RHPN2: variants seen among roughly 807,000 people sequenced by gnomAD.
The protein encoded by RHPN2 is rhophilin Rho GTPase binding protein 2.
RHPN2 carries 40 observed loss-of-function variants against 79.0 expected under a neutral mutation model. That is an observed-to-expected ratio of 0.51 (90% CI 0.39 to 0.66). The LOEUF (loss-of-function observed/expected upper bound fraction) is 0.66, where lower values mean the gene tolerates loss of function less well. Among genes scored for constraint, RHPN2 ranks in the 30% least tolerant of loss-of-function variants. RHPN2 has a pLI of 0.00. For synonymous variants in RHPN2, 285 were observed against 363.5 expected, an observed-to-expected ratio of 0.78 and a Z score of 2.46; for missense variants, 686 against 883.5, an observed-to-expected ratio of 0.78 and a Z score of 2.83.
At chr19:33,054,190 CTTCT>C (rs1183377905) in intron 1 of RHPN2, among the ~76,000 whole-genome samples, 7 of 138,200 alleles carry the variant, frequency 5.1e-5, no homozygotes, top group Non-Finnish European at 9.1e-5. Context: ...GCCCTTTTTT[CTTCT>C]TTGTTTTTTT....
chr19:33,036,879 C>T (rs1599829053), intron 2 of RHPN2, among the ~76,000 whole-genome samples: 1 of 145,658 alleles, frequency 6.9e-6, no homozygotes, highest in Admixed American at 7.2e-5. Context: ...AGCCCCCCCG[C>T]CACCCTCTGT....
At chr19:33,043,287 G>A (rs1362303947) in intron 2 of RHPN2, among the ~76,000 whole-genome samples, 5 of 151,960 alleles carry the variant, frequency 3.3e-5, no homozygotes, top group South Asian at 2.1e-4. Flanking sequence ...GCAGTAGCTC[G>A]CGCCTGTAAT....
At chr19:33,056,113 T>A (rs1972230646) in intron 1 of RHPN2, among the ~76,000 whole-genome samples, 1 of 148,380 alleles carries the variant, frequency 6.7e-6, no homozygotes, top group South Asian at 2.2e-4. Context: ...TTTTTCTTTT[T>A]TCCTTTTTTT....
intron 2 of RHPN2, among the ~76,000 whole-genome samples, chr19:33,034,368 G>A (rs1346612785): frequency 6.6e-6 from 1 of 151,744 alleles, no homozygotes; most frequent in Non-Finnish European, 1.5e-5. Context: ...CACTTTGGGA[G>A]GCCGAGGTGG....
intron 4 of RHPN2, among the ~76,000 whole-genome samples, chr19:33,014,731 C>T (rs78101766): frequency 6.6e-6 from 1 of 151,988 alleles, no homozygotes; most frequent in Non-Finnish European, 1.5e-5. Flanking sequence ...ACCAGCCTGG[C>T]CAACATGGTG....
intron 1 of RHPN2, chr19:33,051,395 C>G (rs1364755704): frequency 6.5e-6 from 1 of 152,848 alleles, no homozygotes; most frequent in Admixed American, 6.5e-5. Context: ...ACAAAGCCCA[C>G]AGGCAGGAAG....
At chr19:33,061,624 C>G (rs983621763) in intron 1 of RHPN2, among the ~76,000 whole-genome samples, 3 of 151,952 alleles carry the variant, frequency 2.0e-5, no homozygotes, top group Non-Finnish European at 2.9e-5. Context: ...GCTGGGATTA[C>G]AGGCGCCTGC....
intron 14 of RHPN2, among the ~76,000 whole-genome samples, chr19:32,984,378 C>T (rs905979692): frequency 6.0e-4 from 92 of 152,260 alleles, no homozygotes; most frequent in African/African-American, 2.1e-3. Flanking sequence ...AAGCCAGGGG[C>T]TGGGCATGGT....
intron 3 of RHPN2, among the ~76,000 whole-genome samples, chr19:33,025,094 T>A (rs932153331): frequency 1.3e-5 from 2 of 152,112 alleles, no homozygotes; most frequent in African/African-American, 4.8e-5. Context: ...ATTGCAATTC[T>A]GAGGGATGGT....
chr19:33,011,346 T>C (rs1408560881), intron 6 of RHPN2, among the ~76,000 whole-genome samples: 2 of 152,240 alleles, frequency 1.3e-5, no homozygotes, highest in African/African-American at 4.8e-5. Context: ...CCCTGTCCAA[T>C]CTGAGATAAG....
intron 1 of RHPN2, among the ~76,000 whole-genome samples, chr19:33,061,963 C>T (rs911949996): frequency 5.3e-5 from 8 of 152,116 alleles, no homozygotes; most frequent in South Asian, 2.1e-4. Context: ...CCACCACACC[C>T]GACCCTCATT....
At chr19:33,043,642 G>C in intron 2 of RHPN2, among the ~76,000 whole-genome samples, 1 of 152,218 alleles carries the variant, frequency 6.6e-6, no homozygotes, top group East Asian at 1.9e-4. Context: ...TGTAAACAGA[G>C]TGCTGGCACA....
chr19:32,994,984 T>C (rs1971689415), intron 11 of RHPN2, among the ~76,000 whole-genome samples: 1 of 152,018 alleles, frequency 6.6e-6, no homozygotes, highest in Non-Finnish European at 1.5e-5. Context: ...AAAAAACCTA[T>C]TGAGAAGTCA....
At chr19:33,028,025 A>C (rs1246333042) in intron 2 of RHPN2, among the ~76,000 whole-genome samples, 2 of 152,232 alleles carry the variant, frequency 1.3e-5, no homozygotes, top group Non-Finnish European at 2.9e-5. Flanking sequence ...AGAAAGGAAG[A>C]AATAAAACTG....
At position 33,002,319 on chromosome 19, in the gene RHPN2, C is replaced by A; in HGVS notation, c.1033G>T (p.Ala345Ser). 1 of 1,613,962 alleles carries A rather than the reference C, an allele frequency of 6.2e-7. No homozygotes were observed. Among genetic ancestry groups the A allele is most frequent in the Non-Finnish European group, 8.5e-7 (1 of 1,179,876 alleles). ...GCGTAGTGGTGGGCCTTCACGCAGG[C>A]TAAGCTGGCCCAGGAGTAGGGGATG... ...ENIPYSWASL[A>S]CVKAHHYAAL... The change falls in exon 9 of 15, where the codon GCC becomes TCC. Residue 345 changes from alanine to serine, a missense_variant. Ala to Ser is a moderately conservative substitution (Grantham distance 99, BLOSUM62 1). Transcript: ENST00000254260.
At chr19:33,064,692 C>T (rs1197849469) in intron 1 of RHPN2, 92 bp downstream of exon 1, 2 of 1,367,050 alleles carry the variant, frequency 1.5e-6, no homozygotes, top group African/African-American at 1.5e-5. Context: ...CCTAGTGGAC[C>T]CCGACTGCGC....
intron 1 of RHPN2, among the ~76,000 whole-genome samples, chr19:33,052,712 T>C (rs1481165414): frequency 1.3e-5 from 2 of 152,178 alleles, no homozygotes; most frequent in Non-Finnish European, 2.9e-5. Flanking sequence ...CTTGTCCATG[T>C]CCATAAAAAT....
Position 33,011,714 on chromosome 19 carries a change from G to A in RHPN2, c.558C>T (p.Phe186=). Residue 186 remains phenylalanine, a synonymous_variant, in exon 6 of 15, where the codon TTC becomes TTT. Coordinates refer to ENST00000254260, the MANE Select transcript of RHPN2 (RefSeq NM_033103.5). The stretch of plus-strand genomic sequence containing the variant: ...GGAGTCCCATCTGCCGTGTGGGCGG[G>A]AAGAATCGACTCTCGACAAAGCCCA... ...IQLGFVESRF[F]PPTRQMGLLF... 1 of 1,613,922 alleles carries A rather than the reference G, an allele frequency of 6.2e-7. No homozygotes were observed. The highest frequency in any genetic ancestry group is 2.2e-5 in the East Asian group (1 of 44,866).
chr19:33,011,552 A>G, intron 6 of RHPN2, 127 bp downstream of exon 6: 1 of 1,141,112 alleles, frequency 8.8e-7, no homozygotes, highest in South Asian at 1.3e-5. Flanking sequence ...TTCCCCAGAT[A>G]AATGCAAGAT....
Sources: allele counts gnomAD v4.1 joint callset (sites outside exome capture counted in the v4.1 genomes callset), GRCh38; gene constraint gnomAD v4.1.1; transcripts MANE v1.5; gene names NCBI Gene and HGNC (gene_info 2026-07-23, HGNC 2026-07-21).